Variants in DISC1 observed in about 807,000 individuals in gnomAD.
DISC1 encodes DISC1 scaffold protein.
DISC1 carries 57 observed loss-of-function variants against 84.5 expected under a neutral mutation model. That is an observed-to-expected ratio of 0.67 (90% CI 0.55 to 0.84). The LOEUF is 0.84. DISC1 is among the 40% of genes least tolerant of loss of function. The pLI is 0.00. For synonymous variants in DISC1, 411 were observed against 415.2 expected (o/e 0.99, Z 0.12); for missense variants, 1,000 against 1,057.8 (o/e 0.95, Z 0.76).
chr1:231,696,647 A>G (rs2065747830), intron 2 of DISC1, among the ~76,000 whole-genome samples: 1 of 152,202 alleles, frequency 6.6e-6, no homozygotes, highest in East Asian at 1.9e-4. Context: ...GTCCTGTGAG[A>G]TTATCGTACT....
intron 10 of DISC1, among the ~76,000 whole-genome samples, chr1:231,972,734 C>T (rs1662180135): frequency 6.6e-6 from 1 of 152,192 alleles, no homozygotes; most frequent in Admixed American, 6.5e-5. Context: ...ATTTTAGAGG[C>T]AGATAAAGAA....
chr1:231,839,997 A>C, intron 9 of DISC1, among the ~76,000 whole-genome samples: 1 of 152,318 alleles, frequency 6.6e-6, no homozygotes, highest in South Asian at 2.1e-4. Flanking sequence ...ACATTTCAAC[A>C]TGAGATTTGG....
intron 9 of DISC1, among the ~76,000 whole-genome samples, chr1:231,933,551 A>G (rs936189072): frequency 1.3e-5 from 2 of 152,186 alleles, no homozygotes; most frequent in Non-Finnish European, 2.9e-5. Context: ...TGAGTAAAGC[A>G]TCTGCCATTT....
chr1:231,994,093 C>A (rs201720449), intron 10 of DISC1, among the ~76,000 whole-genome samples: 2 of 152,192 alleles, frequency 1.3e-5, no homozygotes, highest in Non-Finnish European at 2.9e-5. Context: ...GAAATAGAGA[C>A]CTGTCCTAAA....
intron 9 of DISC1, among the ~76,000 whole-genome samples, chr1:231,948,637 G>C (rs1469805711): frequency 6.6e-6 from 1 of 151,768 alleles, no homozygotes; most frequent in African/African-American, 2.4e-5. Flanking sequence ...AGGGACATTT[G>C]GGCAGGAAAT....
At chr1:231,638,518 T>C (rs1654827692) in intron 1 of DISC1, among the ~76,000 whole-genome samples, 1 of 152,224 alleles carries the variant, frequency 6.6e-6, no homozygotes, top group African/African-American at 2.4e-5. Context: ...TTTAGTTTTG[T>C]ATATGATGAG....
chr1:232,017,118 C>T (rs942549716), intron 11 of DISC1, among the ~76,000 whole-genome samples: 4 of 152,066 alleles, frequency 2.6e-5, no homozygotes, highest in African/African-American at 9.7e-5. Flanking sequence ...AAAAGAAAGA[C>T]AAAACCATAT....
chr1:231,689,323 G>A (rs1034606263), intron 1 of DISC1, among the ~76,000 whole-genome samples: 2 of 151,740 alleles, frequency 1.3e-5, no homozygotes, highest in Admixed American at 1.3e-4. Flanking sequence ...CCAAGCCCAC[G>A]TGTCTTTTTT....
intron 3 of DISC1, among the ~76,000 whole-genome samples, chr1:231,735,184 A>G (rs1486219292): frequency 6.6e-6 from 1 of 152,222 alleles, no homozygotes; most frequent in Non-Finnish European, 1.5e-5. Context: ...TAAAAAACAT[A>G]CTTTTAATAA....
chr1:231,752,735 C>A (rs2074748514), intron 4 of DISC1, among the ~76,000 whole-genome samples: 1 of 152,240 alleles, frequency 6.6e-6, no homozygotes, highest in African/African-American at 2.4e-5. Flanking sequence ...TGAGACAAGG[C>A]TAGTCCCTTC....
chr1:231,642,014 G>A (rs923765224), intron 1 of DISC1, among the ~76,000 whole-genome samples: 1 of 152,206 alleles, frequency 6.6e-6, no homozygotes, highest in Admixed American at 6.5e-5. Context: ...GCGCTTGTCG[G>A]GGAGGCTCGG....
chr1:231,710,704 C>A (rs992541175), intron 3 of DISC1, among the ~76,000 whole-genome samples: 2 of 152,190 alleles, frequency 1.3e-5, no homozygotes, highest in Non-Finnish European at 2.9e-5. Context: ...AGTCTTCCCT[C>A]TGTATGCATT....
intron 9 of DISC1, among the ~76,000 whole-genome samples, chr1:231,957,270 C>T (rs745681260): frequency 6.6e-6 from 1 of 152,192 alleles, no homozygotes; most frequent in African/African-American, 2.4e-5. Flanking sequence ...CACAAGATGC[C>T]TGTTGATGCC....
At chr1:231,820,260 C>T (rs1266195398) in intron 9 of DISC1, among the ~76,000 whole-genome samples, 1 of 152,042 alleles carries the variant, frequency 6.6e-6, no homozygotes, top group Non-Finnish European at 1.5e-5. Flanking sequence ...ATAATGAATT[C>T]CTGAATACAT....
intron 10 of DISC1, among the ~76,000 whole-genome samples, chr1:232,006,882 G>A (rs569233988): frequency 4.1e-4 from 62 of 152,142 alleles, no homozygotes; most frequent in Non-Finnish European, 4.1e-4. Context: ...TTTGTAGGCT[G>A]TGCCCAGGGC....
chr1:231,955,857 T>C (rs1659406770), intron 9 of DISC1, among the ~76,000 whole-genome samples: 1 of 152,188 alleles, frequency 6.6e-6, no homozygotes, highest in South Asian at 2.1e-4. Flanking sequence ...CTTTAAAATA[T>C]ATCTAAAATC....
rs571967032 is a variant in DISC1 at position 231,765,081 on chromosome 1, A to G, written c.1269-2059A>G. Among the ~76,000 whole-genome samples, 20 of 151,024 alleles carry G rather than the reference A, an allele frequency of 1.3e-4. No individual in the cohort carries two copies. The South Asian group carries it at 3.8e-3, about 29-fold the overall frequency. On this transcript the variant is annotated intron_variant, in intron 4 of 12. Coordinates refer to ENST00000439617, the MANE Select transcript of DISC1 (RefSeq NM_018662.3). ...GGCGCGTGCCTGTAGTCCCAGCTAC[A>G]TTGGAGGCTGAGGCAGGAGAATCGC...
chr1:232,008,939 C>T lies in DISC1; in HGVS notation c.2197C>T (p.Pro733Ser). The change falls in exon 11 of 13, where the codon CCC becomes TCC. Residue 733 changes from proline (P) to serine (S), a missense_variant. This residue lies in a region of DISC1 where 397 missense variants were observed against 377.5 expected (regional missense o/e 1.05). Coordinates refer to ENST00000439617, the MANE Select transcript of DISC1 (RefSeq NM_018662.3). ...DDLEGAAPPIPPRLHSEDKRK... is the reference protein window; with the variant it reads ...DDLEGAAPPISPRLHSEDKRK... ...CTTAGAGGGAGCTGCTCCTCCTATT[C>T]CCCCCAGGCTCCACTCCGAGGATAA... is the stretch of plus-strand genomic sequence containing the variant. 1 of 1,613,420 alleles carries T rather than the reference C, an allele frequency of 6.2e-7. No homozygotes were observed. The highest frequency in any genetic ancestry group is 8.5e-7 in the Non-Finnish European group (1 of 1,179,602).
intron 9 of DISC1, among the ~76,000 whole-genome samples, chr1:231,911,141 T>C (rs961218729): frequency 3.3e-5 from 5 of 152,234 alleles, no homozygotes; most frequent in African/African-American, 1.2e-4. Context: ...TTTGCCAGTC[T>C]GTGTCTTTTA....
Sources: allele counts gnomAD v4.1 joint callset (sites outside exome capture counted in the v4.1 genomes callset), GRCh38; gene constraint gnomAD v4.1.1; regional missense constraint gnomAD v4.1.1; transcripts MANE v1.5; gene names NCBI Gene and HGNC (gene_info 2026-07-23, HGNC 2026-07-21).